ARHGAP39: variants seen among roughly 807,000 people sequenced by gnomAD.
ARHGAP39 encodes the protein rho GTPase-activating protein 39.
In ARHGAP39, 44 loss-of-function variants were observed where a neutral mutation model predicts 106.9. The ratio of observed to expected loss-of-function variants is 0.41; its 90% CI spans 0.32 to 0.53. The LOEUF (loss-of-function observed/expected upper bound fraction) is 0.53. Among genes scored for constraint, ARHGAP39 ranks in the 20% least tolerant of loss-of-function variants. The probability of loss-of-function intolerance (pLI) is 0.21; values close to 1 mark genes in which losing one functional copy is unlikely to be tolerated. For missense variants in ARHGAP39, 1,496 were observed against 1,577.3 expected, an observed-to-expected ratio of 0.95 and a Z score of 0.87; for synonymous variants, 768 against 693.2, an observed-to-expected ratio of 1.11 and a Z score of -1.69.
chr8:144,674,935 G>C (rs555271059), intron 1 of ARHGAP39, among the ~76,000 whole-genome samples: 1 of 152,310 alleles, frequency 6.6e-6, no homozygotes, highest in South Asian at 2.1e-4. Context: ...CCAGGTAGCG[G>C]GAGGAGGCTG....
chr8:144,614,411 G>A (rs557183597), intron 1 of ARHGAP39, among the ~76,000 whole-genome samples: 2,160 of 150,850 alleles, frequency 0.014, 47 homozygotes, highest in African/African-American at 0.051. Context: ...GGAGTGCAAC[G>A]GCACAATCCC....
At chr8:144,630,025 T>C (rs1038235709) in intron 1 of ARHGAP39, among the ~76,000 whole-genome samples, 2 of 152,156 alleles carry the variant, frequency 1.3e-5, no homozygotes, top group African/African-American at 4.8e-5. Flanking sequence ...CAGGCAAGGC[T>C]GAACCCCAGC....
At chr8:144,676,909 G>T (rs1041902770) in intron 1 of ARHGAP39, among the ~76,000 whole-genome samples, 5 of 152,256 alleles carry the variant, frequency 3.3e-5, no homozygotes, top group Admixed American at 6.5e-5. Context: ...CCAGCACGTT[G>T]TCACCTCTCA....
chr8:144,582,619 G>C lies in ARHGAP39; in HGVS notation c.81-1342C>G, dbSNP rs917917546. ...GAAGGCACCGAGGGACAGTCCACGT[G>C]GGGCCATGAGGTGGGCGTGCTCAGG... On this transcript the variant is annotated intron_variant, in intron 2 of 11. Coordinates refer to ENST00000377307, the MANE Select transcript of ARHGAP39 (RefSeq NM_025251.3). Among the ~76,000 whole-genome samples the C allele has an allele frequency of 2.6e-5, 4 of 152,360 alleles. No individual in the cohort carries two copies. The South Asian group carries it at 8.3e-4, about 32-fold the overall frequency.
At chr8:144,599,940 G>A (rs1281162912) in intron 2 of ARHGAP39, among the ~76,000 whole-genome samples, 2 of 152,236 alleles carry the variant, frequency 1.3e-5, no homozygotes, top group Non-Finnish European at 2.9e-5. Context: ...CAGGGAAGAA[G>A]AGATGTGATG....
chr8:144,634,162 A>T (rs1364950800), intron 1 of ARHGAP39, among the ~76,000 whole-genome samples: 3 of 151,030 alleles, frequency 2.0e-5, no homozygotes, highest in Non-Finnish European at 3.0e-5. Context: ...AGGCCTCTGC[A>T]GGCGCAGTCT....
intron 2 of ARHGAP39, among the ~76,000 whole-genome samples, chr8:144,593,314 G>A (rs1032176717): frequency 6.6e-6 from 1 of 152,152 alleles, no homozygotes; most frequent in African/African-American, 2.4e-5. Flanking sequence ...CGTAGACAAG[G>A]GTGTCGAGAC....
At chr8:144,689,475 C>G (rs373058593), upstream of ARHGAP39, among the ~76,000 whole-genome samples, 2 of 139,922 alleles carry the variant, frequency 1.4e-5, no homozygotes, top group East Asian at 4.1e-4. Flanking sequence ...CTCACTCTGC[C>G]GCCCAGGCTG....
intron 2 of ARHGAP39, among the ~76,000 whole-genome samples, chr8:144,599,491 A>G (rs2130927326): frequency 6.6e-6 from 1 of 152,340 alleles, no homozygotes; most frequent in Middle Eastern, 3.4e-3. Context: ...GAAACCCAGG[A>G]GATAAACAGA....
intron 6 of ARHGAP39, among the ~76,000 whole-genome samples, chr8:144,540,854 G>T (rs1464977330): frequency 1.3e-5 from 2 of 152,118 alleles, no homozygotes; most frequent in Admixed American, 6.6e-5. Context: ...ATAAATAAAA[G>T]ACATAATTAA....
At chr8:144,595,796 T>C (rs1165860334) in intron 2 of ARHGAP39, among the ~76,000 whole-genome samples, 3 of 152,102 alleles carry the variant, frequency 2.0e-5, no homozygotes, top group Non-Finnish European at 2.9e-5. Context: ...CCCCAAGGCA[T>C]GCAGCCCCCA....
intron 6 of ARHGAP39, among the ~76,000 whole-genome samples, chr8:144,539,232 C>T (rs923069372): frequency 6.6e-5 from 10 of 152,194 alleles, no homozygotes; most frequent in Non-Finnish European, 1.5e-5. Flanking sequence ...TGTTCACATG[C>T]ACATCTGTAA....
At chr8:144,561,981 G>C (rs1283964424) in intron 3 of ARHGAP39, among the ~76,000 whole-genome samples, 4 of 131,368 alleles carry the variant, frequency 3.0e-5, no homozygotes. Flanking sequence ...GTTTCCATCG[G>C]ACCCCAGTGG....
At chr8:144,614,373 G>C (rs1425411405) in intron 1 of ARHGAP39, among the ~76,000 whole-genome samples, 1 of 138,268 alleles carries the variant, frequency 7.2e-6, no homozygotes. Context: ...TTTTTTTTGA[G>C]ACGGAGTCTC....
At chr8:144,566,693 TA>T (rs1254471830) in intron 3 of ARHGAP39, among the ~76,000 whole-genome samples, 1 of 151,566 alleles carries the variant, frequency 6.6e-6, no homozygotes, top group Non-Finnish European at 1.5e-5. Context: ...CCGGCTCTAC[TA>T]AAAATACAAA....
chr8:144,648,853 AGT>A (rs575017741), intron 1 of ARHGAP39, among the ~76,000 whole-genome samples: 1 of 151,876 alleles, frequency 6.6e-6, no homozygotes, highest in Non-Finnish European at 1.5e-5. Flanking sequence ...CAGCTAAAGC[AGT>A]GTTAAGAGGG....
Position 144,548,451 on chromosome 8 carries a change from C to T in ARHGAP39, c.635G>A (p.Arg212His), listed in dbSNP as rs764983591. Residue 212 changes from arginine to histidine, a missense_variant, in exon 5 of 12, where the codon CGC becomes CAC. Arg to His is a conservative substitution (Grantham distance 29, BLOSUM62 0). This residue lies in a region of ARHGAP39 where 905 missense variants were observed against 816.4 expected (regional missense o/e 1.11). Coordinates refer to ENST00000377307, the MANE Select transcript of ARHGAP39 (RefSeq NM_025251.3). This position sits in a 1 kb window ranked among gnomAD's most constrained non-coding sequence, Gnocchi z 7.4. ...SLRWNSGAKE[R>H]MLIKVADREP... ...CCGATCAGCGACCTTGATGAGCATG[C>T]GCTCTTTGGCGCCCGAGTTCCACCG... The T allele has an allele frequency of 2.5e-6, 4 of 1,610,384 alleles. No homozygotes were observed. Among genetic ancestry groups the T allele is most frequent in the South Asian group, 2.2e-5 (2 of 90,970 alleles).
At chr8:144,694,074 A>G in the ARHGAP39 span, among the ~76,000 whole-genome samples, 1 of 152,210 alleles carries the variant, frequency 6.6e-6, no homozygotes, top group Non-Finnish European at 1.5e-5. Flanking sequence ...AAGAGGAGAA[A>G]GAGCAGACTC....
intron 1 of ARHGAP39, among the ~76,000 whole-genome samples, chr8:144,624,589 A>G (rs1238658726): frequency 6.6e-6 from 1 of 150,560 alleles, no homozygotes; most frequent in Non-Finnish European, 1.5e-5. Flanking sequence ...CTCACTGCAC[A>G]CTGCGGCAGC....
Sources: allele counts gnomAD v4.1 joint callset (sites outside exome capture counted in the v4.1 genomes callset), GRCh38; gene constraint gnomAD v4.1.1; regional missense constraint gnomAD v4.1.1; non-coding constraint Gnocchi (gnomAD v3.1); transcripts MANE v1.5; gene names NCBI Gene and HGNC (gene_info 2026-07-23, HGNC 2026-07-21).